Variants in SUV39H1 observed in about 807,000 individuals in gnomAD.
SUV39H1 encodes histone-lysine N-methyltransferase SUV39H1.
For synonymous variants in SUV39H1, 141 were observed against 150.5 expected, an observed-to-expected ratio of 0.94 and a Z score of 0.46; for missense variants, 180 against 386.3, an observed-to-expected ratio of 0.47 and a Z score of 4.48.
chrX:48,704,240 A>C (rs2062483894), intron 3 of SUV39H1, among the ~76,000 whole-genome samples: 1 of 111,922 alleles, frequency 8.9e-6, no homozygotes, highest in Non-Finnish European at 1.9e-5. Flanking sequence ...GAAGGAACCA[A>C]GAAGTGTTTG....
At chrX:48,696,599 C>T, upstream of SUV39H1, 1 of 485,821 alleles carries the variant, frequency 2.1e-6, no homozygotes, top group South Asian at 4.4e-5. Flanking sequence ...GAAAGCGCGG[C>T]GAGCACCCGC....
chrX:48,701,051 T>G, intron 3 of SUV39H1: 2 of 383,800 alleles, frequency 5.2e-6, no homozygotes, highest in Admixed American at 3.7e-5. Context: ...AGCCTTAGCA[T>G]TCCTTGTAAC....
chrX:48,707,444 C>T lies in SUV39H1; in HGVS notation c.1113C>T (p.Pro371=). The stretch of plus-strand genomic sequence containing the variant: ...CTGGCTGTGACTCCACAGTGGACCC[C>T]GTGGACATGGAGAGCACCCGCATGG... ...LTFDYNMQVD[P]VDMESTRMDS... Residue 371 remains proline (P), a synonymous_variant, in exon 6 of 6, where the codon CCC becomes CCT. Coordinates refer to ENST00000376687, the MANE Select transcript of SUV39H1 (RefSeq NM_003173.4). The T allele has an allele frequency of 3.3e-6, 4 of 1,210,525 alleles. No homozygotes were observed. The highest frequency in any genetic ancestry group is 2.2e-5 in the Admixed American group (1 of 45,983).
intron 3 of SUV39H1, 64 bp downstream of exon 3, chrX:48,700,817 C>T (rs782751703): frequency 1.9e-5 from 21 of 1,131,327 alleles, no homozygotes; most frequent in East Asian, 3.1e-5. Context: ...AGTGTGCACC[C>T]GGCTCTCCTC....
intron 3 of SUV39H1, among the ~76,000 whole-genome samples, chrX:48,702,930 G>A (rs993345031): frequency 2.0e-4 from 22 of 111,640 alleles, no homozygotes; most frequent in African/African-American, 7.2e-4. Context: ...TATAGCAAAT[G>A]GTTAGGAGGG....
intron 3 of SUV39H1, 105 bp from the exon 4 acceptor site, chrX:48,706,160 C>T (rs192230143): frequency 1.6e-5 from 16 of 1,024,221 alleles, no homozygotes; most frequent in Admixed American, 2.8e-5. Flanking sequence ...TGTGTGTCCA[C>T]GGGCAGGGGT....
rs189369532 is a variant in SUV39H1, at chrX:48,707,929, G to A, written c.*359G>A. The A allele has an allele frequency of 4.6e-5, 13 of 282,650 alleles. No individual in the cohort carries two copies. In the East Asian group the frequency reaches 1.3e-3, roughly 29 times the overall value. 23.3% of individuals were successfully genotyped at this position (282,650 alleles called of 1,213,427 possible). ...TTTGTTTTTGCACCTGCTTCTGCCT[G>A]GAGATTGAGGGGTCTGCTGCAGGCC... On this transcript the variant is annotated 3_prime_UTR_variant, in exon 6 of 6. Coordinates refer to ENST00000376687, the MANE Select transcript of SUV39H1 (RefSeq NM_003173.4).
At chrX:48,697,224 T>G (rs2062459679) in intron 1 of SUV39H1, among the ~76,000 whole-genome samples, 2 of 110,949 alleles carry the variant, frequency 1.8e-5, no homozygotes, top group Non-Finnish European at 1.9e-5. Flanking sequence ...GTGCGGGGAC[T>G]GAGAACTCTT....
At chrX:48,706,711 G>A in intron 5 of SUV39H1, 84 bp downstream of exon 5, 1 of 1,060,000 alleles carries the variant, frequency 9.4e-7, no homozygotes, top group Non-Finnish European at 1.3e-6. Context: ...CAGTCACTCA[G>A]AGAACCAAGG....
At chrX:48,701,919 A>C (rs1010088856) in intron 3 of SUV39H1, among the ~76,000 whole-genome samples, 14 of 111,788 alleles carry the variant, frequency 1.3e-4, no homozygotes, top group Non-Finnish European at 3.8e-5. Flanking sequence ...GGAAAGTGAC[A>C]GAAACTGGCC....
intron 1 of SUV39H1, among the ~76,000 whole-genome samples, chrX:48,698,090 T>C (rs1326933951): frequency 8.9e-6 from 1 of 112,341 alleles, no homozygotes; most frequent in African/African-American, 3.2e-5. Flanking sequence ...AGCCTTCCTG[T>C]AATGTAGTAT....
At chrX:48,703,654 A>G (rs1335391965) in intron 3 of SUV39H1, among the ~76,000 whole-genome samples, 1 of 112,588 alleles carries the variant, frequency 8.9e-6, no homozygotes, top group Non-Finnish European at 1.9e-5. Context: ...TATAATTAAC[A>G]GCAGTTTTTC....
intron 2 of SUV39H1, chrX:48,699,306 G>A (rs782166534): frequency 6.9e-5 from 21 of 303,157 alleles, no homozygotes; most frequent in African/African-American, 5.1e-4. Flanking sequence ...CAGAGATTGA[G>A]ATGCTGAACC....
intron 2 of SUV39H1, 114 bp from the exon 3 acceptor site, chrX:48,699,977 A>AGGGGT (rs2062468888): frequency 5.0e-6 from 3 of 597,607 alleles, no homozygotes; most frequent in South Asian, 6.2e-5. Flanking sequence ...ATTCCAGAAA[A>AGGGGT]GGGGTGGGGT....
At chrX:48,698,376 C>G (rs2062463270) in intron 1 of SUV39H1, among the ~76,000 whole-genome samples, 1 of 111,280 alleles carries the variant, frequency 9.0e-6, no homozygotes, top group African/African-American at 3.3e-5. Flanking sequence ...TTGTAAAATC[C>G]AAAAAATTTT....
intron 1 of SUV39H1, among the ~76,000 whole-genome samples, chrX:48,697,771 GA>G (rs1433853224): frequency 8.9e-6 from 1 of 112,361 alleles, no homozygotes; most frequent in Admixed American, 9.4e-5. Context: ...ACTGCCCTTG[GA>G]ATGTTTTGAG....
Position 48,696,768 on chromosome X carries a change from G to T in SUV39H1, c.-17G>T. On this transcript the variant is annotated 5_prime_UTR_variant, in exon 1 of 6. Coordinates refer to ENST00000376687, the MANE Select transcript of SUV39H1 (RefSeq NM_003173.4). ...GCGAGGCCGGCTAGGCCCGAATGTC[G>T]TTAGCCGTGGGGAAAGATGGCGGAA... The T allele has an allele frequency of 8.8e-7, 1 of 1,140,629 alleles. No homozygotes were observed. The allele number at this position is 1,140,629 out of a possible 1,213,427, so 94.0% of individuals were successfully genotyped here.
At chrX:48,702,060 T>G (rs2062476812) in intron 3 of SUV39H1, among the ~76,000 whole-genome samples, 1 of 112,339 alleles carries the variant, frequency 8.9e-6, no homozygotes, top group Non-Finnish European at 1.9e-5. Flanking sequence ...TAGAACAATC[T>G]ACACCACAGA....
rs782735428 is a variant in SUV39H1, at chrX:48,706,423, C to T, written c.975+12C>T. The stretch of plus-strand genomic sequence containing the variant: ...TTGTCAACCACAGTGTGGGTACCCC[C>T]GGCAGGCGGGCAAGGGGTCGAGAGG... On this transcript the variant is annotated intron_variant, in intron 4 of 5. Transcript: ENST00000376687. 2.4e-5 allele frequency: 29 copies of T among 1,205,246 alleles called. No homozygotes were observed. The highest frequency in any genetic ancestry group is 3.0e-5 in the East Asian group (1 of 33,703).
Sources: gnomAD v4.1 joint callset for allele counts (sites outside exome capture counted in the v4.1 genomes callset) on GRCh38, gnomAD v4.1.1 for gene constraint, MANE v1.5 for transcripts, NCBI Gene and HGNC (gene_info 2026-07-23, HGNC 2026-07-21) for gene names.